CNTN6: variants seen among roughly 807,000 people sequenced by gnomAD.
The protein encoded by CNTN6 is contactin 6.
In CNTN6, 137 loss-of-function variants were observed where a neutral mutation model predicts 122.8. The observed-to-expected ratio is 1.12, with a 90% CI of 0.97 to 1.29. The LOEUF (loss-of-function observed/expected upper bound fraction) is 1.29, where lower values mean the gene tolerates loss of function less well. CNTN6 is among the 50% of genes most tolerant of loss of function. The probability of loss-of-function intolerance (pLI) is 0.00; values close to 1 mark genes in which losing one functional copy is unlikely to be tolerated. For synonymous variants in CNTN6, 570 were observed against 426.0 expected (o/e 1.34, Z -4.16); for missense variants, 1,634 against 1,223.4 (o/e 1.34, Z -5.01).
chr3:1,123,561 A>C (rs981899932), intron 1 of CNTN6, among the ~76,000 whole-genome samples: 1 of 152,030 alleles, frequency 6.6e-6, no homozygotes, highest in Non-Finnish European at 1.5e-5. Context: ...AACTTTGCTG[A>C]ATTTGTCCTT....
intron 4 of CNTN6, among the ~76,000 whole-genome samples, chr3:1,260,377 T>A (rs1255357466): frequency 2.0e-5 from 3 of 151,948 alleles, no homozygotes; most frequent in Non-Finnish European, 4.4e-5. Context: ...TAGAGGTGAG[T>A]CTTAATATTT....
At chr3:1,285,751 A>G (rs1055333478) in intron 5 of CNTN6, among the ~76,000 whole-genome samples, 1 of 152,202 alleles carries the variant, frequency 6.6e-6, no homozygotes, top group Admixed American at 6.5e-5. Flanking sequence ...TCTAAACATC[A>G]GTGCATTTAT....
Position 1,323,867 on chromosome 3 carries a change from C to T in CNTN6, c.947-1948C>T, listed in dbSNP as rs189518197. Among the ~76,000 whole-genome samples, 342 of 151,734 alleles carry T rather than the reference C, an allele frequency of 2.3e-3. 1 individual carries two copies. Among genetic ancestry groups the T allele is most frequent in the Non-Finnish European group, 3.6e-3 (242 of 67,810 alleles). On this transcript the variant is annotated intron_variant, in intron 8 of 22. Coordinates refer to ENST00000446702, the MANE Select transcript of CNTN6 (RefSeq NM_001289080.2). ...CTTTGCTCTCCAGAATTTTAATCAT[C>T]CAAAGAATGTTCACGTTGAATAAAT...
chr3:1,160,431 C>T (rs73818457), intron 2 of CNTN6, among the ~76,000 whole-genome samples: 25,843 of 145,838 alleles, frequency 0.18, 2,782 homozygotes, highest in East Asian at 0.32. Context: ...CATTCAATAT[C>T]GGGTTTGTGA....
chr3:1,242,507 A>G (rs1221206625), intron 4 of CNTN6, among the ~76,000 whole-genome samples: 9 of 152,338 alleles, frequency 5.9e-5, no homozygotes, highest in East Asian at 3.9e-4. Flanking sequence ...CAGGCAAGTG[A>G]TAACAGGCTT....
At chr3:1,213,730 T>G (rs1038265675) in intron 2 of CNTN6, among the ~76,000 whole-genome samples, 1 of 151,894 alleles carries the variant, frequency 6.6e-6, no homozygotes, top group Non-Finnish European at 1.5e-5. Context: ...AGACGTTACT[T>G]TTAACGTCAA....
Position 1,220,717 on chromosome 3 carries a change from C to A in CNTN6, c.86C>A (p.Thr29Asn). 1 of 1,612,590 alleles carries A rather than the reference C, an allele frequency of 6.2e-7. No individual in the cohort carries two copies. The change falls in exon 3 of 23, where the codon ACT becomes AAT. Residue 29 changes from threonine (T) to asparagine (N), a missense_variant. Physicochemically the swap from Thr to Asn is moderately conservative, Grantham distance 65. Transcript: ENST00000446702. ...GDGLLSRPIF[T>N]QEPHDVIFPL... ...GGTCTTTTAAGCCGTCCTATTTTTA[C>A]TCAGGAGCCACATGATGTCATTTTT...
chr3:1,378,531 G>T (rs1710206799), intron 17 of CNTN6, among the ~76,000 whole-genome samples: 1 of 152,080 alleles, frequency 6.6e-6, no homozygotes, highest in African/African-American at 2.4e-5. Context: ...TTGGAAAGTG[G>T]TCCACCCTCC....
chr3:1,332,133 T>C (rs1702375158), intron 11 of CNTN6, among the ~76,000 whole-genome samples: 1 of 151,926 alleles, frequency 6.6e-6, no homozygotes, highest in Admixed American at 6.6e-5. Context: ...AAGCAAATTA[T>C]CTCCTTACTG....
At chr3:1,137,764 A>T (rs1396629875) in intron 1 of CNTN6, among the ~76,000 whole-genome samples, 1 of 152,170 alleles carries the variant, frequency 6.6e-6, no homozygotes, top group African/African-American at 2.4e-5. Flanking sequence ...TAAAGTCACA[A>T]AGCTATTAAG....
At chr3:1,203,363 C>G (rs2093912056) in intron 2 of CNTN6, among the ~76,000 whole-genome samples, 1 of 152,190 alleles carries the variant, frequency 6.6e-6, no homozygotes, top group African/African-American at 2.4e-5. Flanking sequence ...GGTTACCAAA[C>G]ATCCAGAGAG....
chr3:1,253,998 G>T (rs973327789), intron 4 of CNTN6, among the ~76,000 whole-genome samples: 2 of 151,794 alleles, frequency 1.3e-5, no homozygotes, highest in Non-Finnish European at 2.9e-5. Flanking sequence ...TATATAAATG[G>T]GATTGTTCTA....
At chr3:1,371,929 G>C (rs544131199) in intron 12 of CNTN6, among the ~76,000 whole-genome samples, 1 of 152,250 alleles carries the variant, frequency 6.6e-6, no homozygotes, top group South Asian at 2.1e-4. Context: ...GAAGTTAACA[G>C]AGAGCATTTA....
intron 1 of CNTN6, 120 bp from the exon 2 acceptor site, chr3:1,147,807 G>A (rs1216861733): frequency 2.3e-6 from 1 of 431,372 alleles, no homozygotes; most frequent in East Asian, 3.3e-5. Context: ...ATCCATTTAG[G>A]TTGCTTTATT....
chr3:1,125,857 G>A (rs2092140783), intron 1 of CNTN6, among the ~76,000 whole-genome samples: 1 of 151,800 alleles, frequency 6.6e-6, no homozygotes, highest in African/African-American at 2.4e-5. Flanking sequence ...AAAGATTTGA[G>A]ACAAAAGCCA....
chr3:1,110,137 T>A (rs943106774), intron 1 of CNTN6, among the ~76,000 whole-genome samples: 1 of 150,984 alleles, frequency 6.6e-6, no homozygotes, highest in African/African-American at 2.5e-5. Flanking sequence ...TTACATCAGG[T>A]GCATTCAAAA....
rs78367778 is a variant in CNTN6, at chr3:1,282,411, G to T, written c.454+3903G>T. On this transcript the variant is annotated intron_variant, in intron 5 of 22. Transcript: ENST00000446702. ...ATAATGCCAGGACACAGTTCAAGAC[G>T]CTCTATTTTATCATTTCAAAATGTG... Among the ~76,000 whole-genome samples, 1,376 of 152,254 alleles carry T rather than the reference G, an allele frequency of 9.0e-3. 25 individuals carry two copies. The highest frequency in any genetic ancestry group is 0.031 in the African/African-American group (1,293 of 41,530).
intron 4 of CNTN6, among the ~76,000 whole-genome samples, chr3:1,248,937 C>T (rs1388593727): frequency 6.6e-6 from 1 of 152,072 alleles, no homozygotes; most frequent in Non-Finnish European, 1.5e-5. Context: ...CTTAATCATT[C>T]AACTAATGCT....
chr3:1,209,444 C>A (rs1239868913), intron 2 of CNTN6, among the ~76,000 whole-genome samples: 1 of 152,132 alleles, frequency 6.6e-6, no homozygotes, highest in Non-Finnish European at 1.5e-5. Flanking sequence ...GAGTAAGAGG[C>A]CACTGAGTGT....
Sources: gnomAD v4.1 joint callset for allele counts (sites outside exome capture counted in the v4.1 genomes callset) on GRCh38, gnomAD v4.1.1 for gene constraint, MANE v1.5 for transcripts, NCBI Gene and HGNC (gene_info 2026-07-23, HGNC 2026-07-21) for gene names.